The following LDAH variants were observed in gnomAD, a reference collection of about 807,000 sequenced individuals.
The protein encoded by LDAH is lipid droplet-associated hydrolase.
In LDAH, 26 loss-of-function variants were observed where a neutral mutation model predicts 29.6. The observed-to-expected ratio is 0.88, with a 90% CI of 0.64 to 1.22. LDAH has a LOEUF of 1.22. LDAH is among the 50% of genes most tolerant of loss of function. The pLI is 0.00. For synonymous variants in LDAH, 117 were observed against 133.0 expected (o/e 0.88, Z 0.83); for missense variants, 344 against 387.3 (o/e 0.89, Z 0.94).
At chr2:20,782,183 C>T (rs527685116) in intron 3 of LDAH, among the ~76,000 whole-genome samples, 1 of 152,254 alleles carries the variant, frequency 6.6e-6, no homozygotes, top group East Asian at 1.9e-4. Flanking sequence ...ATTCTCAGGT[C>T]CCACCCCAGA....
chr2:20,710,821 C>A (rs944626525), intron 5 of LDAH, among the ~76,000 whole-genome samples: 1 of 151,092 alleles, frequency 6.6e-6, no homozygotes, highest in Non-Finnish European at 1.5e-5. Flanking sequence ...GGGAAAAAGA[C>A]AGTTTGTGGT....
intron 5 of LDAH, among the ~76,000 whole-genome samples, chr2:20,727,925 G>A (rs1278523922): frequency 6.6e-6 from 1 of 152,128 alleles, no homozygotes; most frequent in African/African-American, 2.4e-5. Context: ...ATGCTGGATA[G>A]GAAATGACAT....
intron 1 of LDAH, among the ~76,000 whole-genome samples, chr2:20,801,686 C>T (rs993027427): frequency 2.0e-5 from 3 of 152,094 alleles, no homozygotes; most frequent in Non-Finnish European, 4.4e-5. Context: ...GAGACATATC[C>T]TTGGAAAAAT....
rs373440634 is a variant in LDAH, at chr2:20,754,446, A to G, written c.469-14241T>C. On this transcript the variant is annotated intron_variant, in intron 4 of 6. Coordinates refer to ENST00000237822, the MANE Select transcript of LDAH (RefSeq NM_021925.4). ...GTGGAGTTTGCAGTGAGCTGAGATC[A>G]TGCTACTGCACTCCAGTCTGGGTGA... 2.8e-5 allele frequency among the ~76,000 whole-genome samples: 4 copies of G among 140,568 alleles called. No individual in the cohort carries two copies. The South Asian group carries it at 9.1e-4, about 32-fold the overall frequency. 92.2% of individuals were successfully genotyped at this position (140,568 alleles called of 152,430 possible).
chr2:20,695,541 C>G (rs563842628), intron 6 of LDAH, among the ~76,000 whole-genome samples: 1 of 151,984 alleles, frequency 6.6e-6, no homozygotes, highest in Non-Finnish European at 1.5e-5. Context: ...CAACCTCCCC[C>G]TCCTGGGTTC....
At chr2:20,815,014 A>G (rs1396109588) in intron 1 of LDAH, among the ~76,000 whole-genome samples, 1 of 152,234 alleles carries the variant, frequency 6.6e-6, no homozygotes. Context: ...GTTCATATAT[A>G]CAAATAACCT....
At chr2:20,715,336 C>A (rs987814854) in intron 5 of LDAH, among the ~76,000 whole-genome samples, 1 of 152,194 alleles carries the variant, frequency 6.6e-6, no homozygotes, top group Non-Finnish European at 1.5e-5. Flanking sequence ...AACAGCCCTT[C>A]ATGCTAAAAA....
At chr2:20,760,047 C>T (rs1233722470) in intron 4 of LDAH, among the ~76,000 whole-genome samples, 1 of 152,136 alleles carries the variant, frequency 6.6e-6, no homozygotes, top group Non-Finnish European at 1.5e-5. Context: ...GTTATTACAT[C>T]AAATAATCAC....
intron 5 of LDAH, among the ~76,000 whole-genome samples, chr2:20,724,263 T>A (rs1372560560): frequency 6.6e-6 from 1 of 152,214 alleles, no homozygotes; most frequent in Non-Finnish European, 1.5e-5. Context: ...AGAACTGATC[T>A]CTCCTTTCTC....
chr2:20,712,611 A>G (rs1664853092), intron 5 of LDAH, among the ~76,000 whole-genome samples: 2 of 152,206 alleles, frequency 1.3e-5, no homozygotes, highest in African/African-American at 2.4e-5. Flanking sequence ...GGATGTTCAA[A>G]CCCATCACAA....
At chr2:20,796,753 T>C (rs1455919463) in intron 2 of LDAH, among the ~76,000 whole-genome samples, 1 of 152,130 alleles carries the variant, frequency 6.6e-6, no homozygotes, top group Non-Finnish European at 1.5e-5. Context: ...AACTGCATTT[T>C]TAAAGTTCTC....
At chr2:20,801,832 G>A (rs1407893174) in intron 1 of LDAH, among the ~76,000 whole-genome samples, 2 of 151,812 alleles carry the variant, frequency 1.3e-5, no homozygotes, top group African/African-American at 2.4e-5. Flanking sequence ...AGAGGTTCTG[G>A]CTTGCCCTTG....
chr2:20,748,665 T>C (rs746024047), intron 4 of LDAH, among the ~76,000 whole-genome samples: 44 of 152,200 alleles, frequency 2.9e-4, no homozygotes, highest in Non-Finnish European at 4.9e-4. Context: ...ACCTGTTATT[T>C]TGAATTAAAC....
chr2:20,710,567 G>A (rs116422978), intron 5 of LDAH, among the ~76,000 whole-genome samples: 2,130 of 144,166 alleles, frequency 0.015, 51 homozygotes, highest in African/African-American at 0.047. Context: ...GACTCACCCC[G>A]GACTATATAT....
At chr2:20,772,359 A>T (rs908079579) in intron 4 of LDAH, among the ~76,000 whole-genome samples, 1 of 152,250 alleles carries the variant, frequency 6.6e-6, no homozygotes, top group South Asian at 2.1e-4. Flanking sequence ...CACCTGGAAC[A>T]ACTAACAACA....
At chr2:20,812,570 T>A (rs1355116283) in intron 1 of LDAH, among the ~76,000 whole-genome samples, 1 of 152,196 alleles carries the variant, frequency 6.6e-6, no homozygotes, top group Non-Finnish European at 1.5e-5. Flanking sequence ...TATGGACTAA[T>A]ATTCTCCCAG....
At chr2:20,790,172 T>C in intron 3 of LDAH, 83 bp downstream of exon 3, 1 of 1,429,530 alleles carries the variant, frequency 7.0e-7, no homozygotes. Flanking sequence ...TTTCCACTGG[T>C]GTAACTCTTA....
chr2:20,792,888 CT>C (rs1410353834), intron 2 of LDAH, among the ~76,000 whole-genome samples: 1 of 152,110 alleles, frequency 6.6e-6, no homozygotes, highest in Non-Finnish European at 1.5e-5. Context: ...CGTGCACATT[CT>C]GCACATGTAT....
intron 3 of LDAH, among the ~76,000 whole-genome samples, chr2:20,775,182 G>A (rs991479217): frequency 1.3e-5 from 2 of 152,146 alleles, no homozygotes; most frequent in African/African-American, 4.8e-5. Context: ...TCACTTGATA[G>A]GTGAAAATCC....
Sources: gnomAD v4.1 joint callset for allele counts (sites outside exome capture counted in the v4.1 genomes callset) on GRCh38, gnomAD v4.1.1 for gene constraint, MANE v1.5 for transcripts, NCBI Gene and HGNC (gene_info 2026-07-23, HGNC 2026-07-21) for gene names.